Variants in SARNP observed in about 807,000 individuals in gnomAD.
The protein encoded by SARNP is SAP domain containing ribonucleoprotein, also known as SAP domain-containing ribonucleoprotein.
A neutral mutation model predicts 38.1 loss-of-function variants in SARNP; 5 were observed. The ratio of observed to expected loss-of-function variants is 0.13; its 90% CI spans 0.07 to 0.28. SARNP has a LOEUF of 0.28. Among genes scored for constraint, SARNP ranks in the 10% least tolerant of loss-of-function variants. The probability of loss-of-function intolerance (pLI) is 1.00; values close to 1 mark genes in which losing one functional copy is unlikely to be tolerated. For missense variants in SARNP, 180 were observed against 243.9 expected (o/e 0.74, Z 1.75); for synonymous variants, 84 against 80.6 (o/e 1.04, Z -0.23).
chr12:55,801,026 C>T (rs1879964843), intron 2 of SARNP, 126 bp from the exon 3 acceptor site: 2 of 735,566 alleles, frequency 2.7e-6, no homozygotes, highest in Non-Finnish European at 2.4e-6. Flanking sequence ...GAAACTGATG[C>T]ACATAAAATC....
chr12:55,798,935 C>G (rs1213782419), intron 4 of SARNP, among the ~76,000 whole-genome samples: 3 of 152,080 alleles, frequency 2.0e-5, no homozygotes, highest in Non-Finnish European at 2.9e-5. Context: ...GTAAAACATT[C>G]AGAACAATGC....
intron 9 of SARNP, among the ~76,000 whole-genome samples, chr12:55,784,628 G>A (rs890964796): frequency 2.6e-5 from 4 of 152,158 alleles, no homozygotes; most frequent in African/African-American, 7.2e-5. Flanking sequence ...CAAGTATGTG[G>A]TCTGATAAAT....
chr12:55,802,720 G>A (rs940591423), intron 2 of SARNP, among the ~76,000 whole-genome samples: 44 of 150,926 alleles, frequency 2.9e-4, no homozygotes, highest in Non-Finnish European at 2.1e-4. Context: ...TCAACCCATA[G>A]TATAATATAT....
At chr12:55,756,685 A>ACT (rs1342506323), downstream of SARNP, 1 of 152,264 alleles carries the variant, frequency 6.6e-6, no homozygotes, top group African/African-American at 2.4e-5. Context: ...TGAAGCCTCC[A>ACT]GTTCCACTGC....
chr12:55,788,137 C>G (rs1204689576), intron 9 of SARNP, among the ~76,000 whole-genome samples: 1 of 152,190 alleles, frequency 6.6e-6, no homozygotes, highest in Non-Finnish European at 1.5e-5. Context: ...TTCTAAACAA[C>G]AAAGATTAAG....
At chr12:55,752,964 C>T (rs1878372462), downstream of SARNP, 1 of 152,212 alleles carries the variant, frequency 6.6e-6, no homozygotes. Context: ...CAGGAAACCT[C>T]GTGTTCAATG....
chr12:55,767,454 G>C (rs1878871153), intron 9 of SARNP, among the ~76,000 whole-genome samples: 1 of 151,900 alleles, frequency 6.6e-6, no homozygotes. Flanking sequence ...GAGGCTGATG[G>C]GGGAGGACTG....
intron 9 of SARNP, among the ~76,000 whole-genome samples, chr12:55,777,122 T>A (rs1002392741): frequency 6.6e-6 from 1 of 152,164 alleles, no homozygotes; most frequent in Non-Finnish European, 1.5e-5. Flanking sequence ...AGTTTTTTCT[T>A]ACTACAAATT....
rs1418747846 is a variant in SARNP, at chr12:55,789,148, A to G, written c.433-5T>C. The G allele has an allele frequency of 6.3e-6, 10 of 1,579,394 alleles. No homozygotes were observed. The highest frequency in any genetic ancestry group is 8.6e-6 in the Non-Finnish European group (10 of 1,163,776). On this transcript the variant is annotated splice_polypyrimidine_tract_variant and splice_region_variant and intron_variant, in intron 8 of 10. Transcript: ENST00000336133. ...CTTCAGCTTATCCAAGTTAACCTAT[A>G]AAAACATAGGGGAAAGAACATAGTT...
At chr12:55,760,286 A>C (rs1297426415) in intron 10 of SARNP, 1 of 459,442 alleles carries the variant, frequency 2.2e-6, no homozygotes, top group Non-Finnish European at 3.8e-6. Context: ...GGATCGCTTG[A>C]GCCCAGGAGT....
chr12:55,759,839 G>A (rs1208897922), intron 10 of SARNP, among the ~76,000 whole-genome samples: 1 of 152,122 alleles, frequency 6.6e-6, no homozygotes, highest in Non-Finnish European at 1.5e-5. Context: ...CTGGGCTTAA[G>A]TGATCCTCCC....
At chr12:55,789,975 A>T (rs918048131) in intron 8 of SARNP, among the ~76,000 whole-genome samples, 2 of 151,402 alleles carry the variant, frequency 1.3e-5, no homozygotes, top group African/African-American at 2.4e-5. Flanking sequence ...AATATTTAGG[A>T]AATTTTCATT....
chr12:55,758,278 A>G (rs1352211573), intron 10 of SARNP, among the ~76,000 whole-genome samples: 1 of 152,214 alleles, frequency 6.6e-6, no homozygotes, highest in African/African-American at 2.4e-5. Context: ...TTTCTAGTGA[A>G]GAGTGTTAGC....
In SARNP at chr12:55,774,457, T is replaced by G. The variant is rs1384633830; in HGVS notation, c.502-13817A>C. On this transcript the variant is annotated intron_variant, in intron 9 of 10. Transcript: ENST00000336133. ...TCAACGGGCTAGGCACGGTGGCTCA[T>G]GCCTGTAATCCCAGGACTTTGGGAG... Among the ~76,000 whole-genome samples, 147 of 149,990 alleles carry G rather than the reference T, an allele frequency of 9.8e-4. 1 individual carries two copies. Among genetic ancestry groups the G allele is most frequent in the African/African-American group, 3.6e-3 (145 of 40,760 alleles).
intron 1 of SARNP, among the ~76,000 whole-genome samples, chr12:55,806,480 G>A (rs1270100793): frequency 6.6e-6 from 1 of 151,990 alleles, no homozygotes. Flanking sequence ...TTACCATGTT[G>A]ACTAGGCTGG....
chr12:55,810,974 G>A (rs1425199696), intron 1 of SARNP, among the ~76,000 whole-genome samples: 1 of 151,946 alleles, frequency 6.6e-6, no homozygotes, highest in Non-Finnish European at 1.5e-5. Context: ...CTACTCGGGA[G>A]GCTGAGGCAG....
chr12:55,767,213 T>G (rs182766578), intron 9 of SARNP, among the ~76,000 whole-genome samples: 1 of 152,264 alleles, frequency 6.6e-6, no homozygotes, highest in African/African-American at 2.4e-5. Flanking sequence ...CAATCAAAAT[T>G]TAAGCTAACA....
rs554320181 is a variant in SARNP, at chr12:55,782,176, T to G, written c.501+6899A>C. Among the ~76,000 whole-genome samples the G allele has an allele frequency of 3.3e-5, 5 of 152,318 alleles. No individual in the cohort carries two copies. In the South Asian group the frequency reaches 6.2e-4, roughly 19 times the overall value. On this transcript the variant is annotated intron_variant, in intron 9 of 10. Transcript: ENST00000336133. ...TGGAAGTAGAAAAACTCTGGTACTA[T>G]TCTAATAGATAAAAAAGGAAGATGT...
At chr12:55,783,208 T>TA (rs565114502) in intron 9 of SARNP, among the ~76,000 whole-genome samples, 182 of 147,256 alleles carry the variant, frequency 1.2e-3, no homozygotes, top group African/African-American at 4.1e-3. Flanking sequence ...GGGAAACAGA[T>TA]AGAGAAAAAA....
Sources: allele counts gnomAD v4.1 joint callset (sites outside exome capture counted in the v4.1 genomes callset), GRCh38; gene constraint gnomAD v4.1.1; transcripts MANE v1.5; gene names NCBI Gene and HGNC (gene_info 2026-07-23, HGNC 2026-07-21).